TBC1D5: variants seen among roughly 807,000 people sequenced by gnomAD.
The protein encoded by TBC1D5 is TBC1 domain family, member 5.
TBC1D5 carries 75 observed loss-of-function variants against 100.3 expected under a neutral mutation model. The ratio of observed to expected loss-of-function variants is 0.75; its 90% CI spans 0.62 to 0.91. The LOEUF (loss-of-function observed/expected upper bound fraction) is 0.91. TBC1D5 is among the 40% of genes least tolerant of loss of function. TBC1D5 has a pLI of 0.00. For synonymous variants in TBC1D5, 323 were observed against 325.6 expected, an observed-to-expected ratio of 0.99 and a Z score of 0.09; for missense variants, 910 against 942.4, an observed-to-expected ratio of 0.97 and a Z score of 0.45.
At chr3:17,325,406 T>G (rs1053654471) in intron 13 of TBC1D5, among the ~76,000 whole-genome samples, 33 of 149,916 alleles carry the variant, frequency 2.2e-4, no homozygotes, top group African/African-American at 7.6e-4. Context: ...CATTGCAACC[T>G]TCACCTCCTG....
chr3:17,709,886 G>A (rs2074549288), intron 1 of TBC1D5, among the ~76,000 whole-genome samples: 2 of 152,016 alleles, frequency 1.3e-5, no homozygotes, highest in African/African-American at 4.8e-5. Context: ...TACCCAGGCA[G>A]GCTACTCCTT....
At chr3:17,531,316 T>G (rs2096221327) in intron 2 of TBC1D5, among the ~76,000 whole-genome samples, 1 of 152,124 alleles carries the variant, frequency 6.6e-6, no homozygotes, top group South Asian at 2.1e-4. Flanking sequence ...TACAAACCAC[T>G]GCTCAAGGAA....
At chr3:17,361,068 C>G (rs1382575886) in intron 13 of TBC1D5, among the ~76,000 whole-genome samples, 2 of 151,914 alleles carry the variant, frequency 1.3e-5, no homozygotes, top group African/African-American at 4.8e-5. Context: ...TATATCAAGA[C>G]CATATTGGAA....
At chr3:17,687,091 T>C (rs569594423) in intron 1 of TBC1D5, among the ~76,000 whole-genome samples, 2 of 152,304 alleles carry the variant, frequency 1.3e-5, no homozygotes, top group South Asian at 4.1e-4. Context: ...GAACCCTTTG[T>C]ACTTTCTGCT....
chr3:17,674,646 G>T lies in TBC1D5; in HGVS notation c.-100-50733C>A, dbSNP rs573931759. Among the ~76,000 whole-genome samples, 6 of 152,218 alleles carry T rather than the reference G, an allele frequency of 3.9e-5. No individual in the cohort carries two copies. The East Asian group carries it at 1.2e-3, about 29-fold the overall frequency. On this transcript the variant is annotated intron_variant, in intron 1 of 21. Transcript: ENST00000253692. ...TAGGTTCCTAGACAACATTTTTAAA[G>T]TTCATACAATAACATAATTATACTT...
chr3:17,645,791 C>G (rs1389228577), intron 1 of TBC1D5, among the ~76,000 whole-genome samples: 1 of 151,978 alleles, frequency 6.6e-6, no homozygotes, highest in Non-Finnish European at 1.5e-5. Flanking sequence ...TTTCCCACCA[C>G]CCTCACCTTG....
chr3:17,594,655 G>A (rs1367893573), intron 2 of TBC1D5, among the ~76,000 whole-genome samples: 1 of 152,062 alleles, frequency 6.6e-6, no homozygotes, highest in African/African-American at 2.4e-5. Flanking sequence ...TAGATTTACC[G>A]ACTTCATATC....
chr3:17,385,743 G>C (rs2093128131), intron 8 of TBC1D5, among the ~76,000 whole-genome samples: 2 of 151,478 alleles, frequency 1.3e-5, no homozygotes, highest in Admixed American at 1.3e-4. Flanking sequence ...CTTTTTGGGG[G>C]GCCAGTAAAC....
chr3:17,283,321 C>T lies in TBC1D5; in HGVS notation c.1245+8574G>A, dbSNP rs551878578. ...GGGTGAACTTCTCTCATAGAGCAGACACTGGGTTAGTGCTGTTGGAGATCT... is the reference window on the plus strand; with the variant it reads ...GGGTGAACTTCTCTCATAGAGCAGATACTGGGTTAGTGCTGTTGGAGATCT... On this transcript the variant is annotated intron_variant, in intron 15 of 21. Transcript: ENST00000253692. 3.3e-5 allele frequency among the ~76,000 whole-genome samples: 5 copies of T among 152,250 alleles called. No homozygotes were observed. The South Asian group carries it at 1.0e-3, about 32-fold the overall frequency.
At chr3:17,549,535 C>A (rs1212849518) in intron 2 of TBC1D5, among the ~76,000 whole-genome samples, 1 of 152,032 alleles carries the variant, frequency 6.6e-6, no homozygotes, top group Non-Finnish European at 1.5e-5. Context: ...AGAAAACAAG[C>A]CTTTAGTATG....
intron 1 of TBC1D5, among the ~76,000 whole-genome samples, chr3:17,703,731 A>G (rs1577631854): frequency 6.6e-6 from 1 of 152,290 alleles, no homozygotes; most frequent in African/African-American, 2.4e-5. Context: ...GCCACAACAG[A>G]CAATGACCTC....
intron 1 of TBC1D5, among the ~76,000 whole-genome samples, chr3:17,674,844 G>A (rs1046384126): frequency 5.3e-5 from 8 of 151,886 alleles, no homozygotes; most frequent in African/African-American, 1.9e-4. Flanking sequence ...TCACAAGGTG[G>A]GGAAAATGAG....
intron 1 of TBC1D5, among the ~76,000 whole-genome samples, chr3:17,702,659 C>G (rs566713663): frequency 2.9e-4 from 44 of 150,872 alleles, no homozygotes; most frequent in African/African-American, 9.9e-4. Flanking sequence ...CGAAATGATG[C>G]ATTAACTTAT....
intron 1 of TBC1D5, among the ~76,000 whole-genome samples, chr3:17,710,606 A>G (rs1035280370): frequency 6.6e-6 from 1 of 151,952 alleles, no homozygotes; most frequent in African/African-American, 2.4e-5. Flanking sequence ...ATATATTGAT[A>G]AAAATAGAAT....
chr3:17,330,148 C>A (rs976118799), intron 13 of TBC1D5, among the ~76,000 whole-genome samples: 6 of 152,122 alleles, frequency 3.9e-5, no homozygotes, highest in Admixed American at 6.6e-5. Context: ...TCAACTTCCT[C>A]CCCATCTACC....
rs534850481 is a variant in TBC1D5 at position 17,729,988 on chromosome 3, G to A, written c.-101+9355C>T. ...TAGTCGGGCGTGGTGGCAGGCACCTGTAATCCCAGCTACTCAGGAGGCCGA... is the reference window on the plus strand; with the variant it reads ...TAGTCGGGCGTGGTGGCAGGCACCTATAATCCCAGCTACTCAGGAGGCCGA... On this transcript the variant is annotated intron_variant, in intron 1 of 21. Coordinates refer to ENST00000253692, the Ensembl canonical transcript of TBC1D5. 7.9e-5 allele frequency among the ~76,000 whole-genome samples: 12 copies of A among 151,976 alleles called. 1 individual carries two copies. The South Asian group carries it at 2.5e-3, about 32-fold the overall frequency.
At chr3:17,372,310 ATTCT>A (rs2092507093) in intron 12 of TBC1D5, 63 bp from the exon 13 acceptor site, 3 of 1,402,314 alleles carry the variant, frequency 2.1e-6, no homozygotes, top group East Asian at 5.0e-5. Flanking sequence ...TATGGATGTC[ATTCT>A]TTATCAATGA....
intron 1 of TBC1D5, among the ~76,000 whole-genome samples, chr3:17,689,837 G>A (rs955767306): frequency 6.6e-6 from 1 of 152,078 alleles, no homozygotes; most frequent in African/African-American, 2.4e-5. Context: ...GGATGCAGCT[G>A]AACATACCTA....
At chr3:17,459,329 T>A (rs754268713) in intron 3 of TBC1D5, among the ~76,000 whole-genome samples, 1 of 151,884 alleles carries the variant, frequency 6.6e-6, no homozygotes, top group African/African-American at 2.4e-5. Flanking sequence ...TCATAAGGAG[T>A]GTGCAACCCA....
Sources: allele counts gnomAD v4.1 joint callset (sites outside exome capture counted in the v4.1 genomes callset), GRCh38; gene constraint gnomAD v4.1.1; transcripts MANE v1.5; gene names NCBI Gene and HGNC (gene_info 2026-07-23, HGNC 2026-07-21).